SDK1: variants seen among roughly 807,000 people sequenced by gnomAD.
SDK1 encodes protein sidekick-1.
In SDK1, 157 loss-of-function variants were observed where a neutral mutation model predicts 245.5. The observed-to-expected ratio is 0.64, with a 90% CI of 0.56 to 0.73. The LOEUF (loss-of-function observed/expected upper bound fraction) is 0.73. Ranked by LOEUF, SDK1 falls within the 30% of genes least tolerant of loss-of-function variation. SDK1 has a pLI of 0.00. For missense variants in SDK1, 3,583 were observed against 3,002.3 expected (o/e 1.19, Z -4.52); for synonymous variants, 1,647 against 1,278.5 (o/e 1.29, Z -6.15).
At chr7:3,800,297 G>A (rs1472925172) in intron 4 of SDK1, among the ~76,000 whole-genome samples, 2 of 152,040 alleles carry the variant, frequency 1.3e-5, no homozygotes, top group Non-Finnish European at 2.9e-5. Context: ...ATTATTCATT[G>A]GTGAGCATTT....
At chr7:4,174,634 A>G (rs1225160458) in intron 33 of SDK1, among the ~76,000 whole-genome samples, 4 of 152,082 alleles carry the variant, frequency 2.6e-5, no homozygotes, top group East Asian at 3.9e-4. Flanking sequence ...ACTGCACTCT[A>G]CCGGCGTCAG....
chr7:3,392,054 C>A (rs932026592), intron 1 of SDK1, among the ~76,000 whole-genome samples: 3 of 151,494 alleles, frequency 2.0e-5, no homozygotes, highest in African/African-American at 7.3e-5. Context: ...AATAAATGCA[C>A]CTGTGTACCA....
chr7:4,068,714 T>TTTTATTTATTTA (rs3066355), intron 20 of SDK1, among the ~76,000 whole-genome samples: 5,885 of 149,494 alleles, frequency 0.039, 387 homozygotes, highest in African/African-American at 0.14. Flanking sequence ...TTTTTAATGA[T>TTTTATTTATTTA]TTTATTTATT....
intron 5 of SDK1, among the ~76,000 whole-genome samples, chr7:3,906,382 A>ATG (rs567304323): frequency 0.016 from 2,364 of 150,234 alleles, 35 homozygotes; most frequent in African/African-American, 0.034. Flanking sequence ...CTGTATGCGT[A>ATG]TGTGTGTGTG....
At position 4,161,817 on chromosome 7, in the gene SDK1, G is replaced by A. The variant is rs143212342; in HGVS notation, c.4761G>A (p.Ala1587=). The A allele has an allele frequency of 5.4e-4, 878 of 1,614,036 alleles. 1 individual carries two copies. Among genetic ancestry groups the A allele is most frequent in the Non-Finnish European group, 6.8e-4 (800 of 1,180,008 alleles). ...VPGEPPGSVS[A]TPHTTSSVLI... ...GAGAGCCCCCGGGATCTGTCTCAGC[G>A]ACGCCACACACCACGTCCTCTGTCC... Residue 1587 remains alanine (A), a synonymous_variant, in exon 32 of 45, where the codon GCG becomes GCA. Coordinates refer to ENST00000404826, the MANE Select transcript of SDK1 (RefSeq NM_152744.4).
intron 4 of SDK1, among the ~76,000 whole-genome samples, chr7:3,703,517 G>A (rs1402630947): frequency 1.3e-5 from 2 of 152,200 alleles, no homozygotes; most frequent in Non-Finnish European, 2.9e-5. Context: ...GGTGATGGCA[G>A]TTTTGTGGCT....
At chr7:3,363,961 T>G (rs1781020536) in intron 1 of SDK1, among the ~76,000 whole-genome samples, 1 of 152,230 alleles carries the variant, frequency 6.6e-6, no homozygotes, top group Non-Finnish European at 1.5e-5. Context: ...TCATCATTAT[T>G]TGGTGTTACC....
intron 36 of SDK1, among the ~76,000 whole-genome samples, chr7:4,206,728 G>C (rs539334229): frequency 1.3e-5 from 2 of 152,254 alleles, no homozygotes; most frequent in East Asian, 3.9e-4. Flanking sequence ...AGCATCCGGG[G>C]TCTTTGCCAT....
intron 12 of SDK1, among the ~76,000 whole-genome samples, chr7:3,971,862 T>C (rs1181136642): frequency 6.6e-6 from 1 of 152,154 alleles, no homozygotes; most frequent in African/African-American, 2.4e-5. Flanking sequence ...TGTCAGAGGC[T>C]GATACTCAAT....
chr7:4,216,049 T>C (rs78841259), intron 38 of SDK1, among the ~76,000 whole-genome samples: 1,912 of 152,270 alleles, frequency 0.013, 37 homozygotes, highest in African/African-American at 0.043. Context: ...CAACCGGCCT[T>C]GGCAGGAACG....
At chr7:3,694,831 T>C (rs982229178) in intron 4 of SDK1, among the ~76,000 whole-genome samples, 1 of 152,140 alleles carries the variant, frequency 6.6e-6, no homozygotes, top group Non-Finnish European at 1.5e-5. Flanking sequence ...TTCTTAATAG[T>C]GACATGCAGG....
chr7:4,108,465 G>A (rs1783099926), intron 22 of SDK1, among the ~76,000 whole-genome samples: 1 of 151,594 alleles, frequency 6.6e-6, no homozygotes, highest in African/African-American at 2.4e-5. Flanking sequence ...GTCTACCCCA[G>A]TGCTGAGAAC....
intron 14 of SDK1, among the ~76,000 whole-genome samples, chr7:3,998,944 A>T (rs949240376): frequency 6.6e-6 from 1 of 152,188 alleles, no homozygotes. Context: ...CTGAGTGTCT[A>T]ACTGAAGTAC....
chr7:4,175,115 G>A (rs555885919), intron 33 of SDK1, among the ~76,000 whole-genome samples: 5 of 152,314 alleles, frequency 3.3e-5, no homozygotes, highest in African/African-American at 1.2e-4. Flanking sequence ...GGCCTTCCAC[G>A]CACCCAGTGC....
chr7:4,107,642 C>G (rs567037134), intron 22 of SDK1, among the ~76,000 whole-genome samples: 226 of 152,282 alleles, frequency 1.5e-3, no homozygotes, highest in Non-Finnish European at 2.6e-3. Context: ...GCATTCAACA[C>G]GGAGGCACTT....
chr7:4,003,939 G>A (rs765307363), intron 14 of SDK1, among the ~76,000 whole-genome samples: 2 of 152,240 alleles, frequency 1.3e-5, no homozygotes, highest in Non-Finnish European at 2.9e-5. Flanking sequence ...CTGTGACCAA[G>A]CCCTTAACTT....
At chr7:3,530,005 A>G (rs1005671315) in intron 1 of SDK1, among the ~76,000 whole-genome samples, 4 of 152,194 alleles carry the variant, frequency 2.6e-5, no homozygotes, top group Admixed American at 2.0e-4. Context: ...ACAAGTCTGT[A>G]TTTAAGAGTA....
At chr7:3,951,522 T>G (rs565821413) in intron 6 of SDK1, among the ~76,000 whole-genome samples, 2 of 152,346 alleles carry the variant, frequency 1.3e-5, no homozygotes, top group East Asian at 3.9e-4. Flanking sequence ...ATATCCTTGC[T>G]TAATAGCCCT....
chr7:4,239,393 A>G (rs544967788), intron 42 of SDK1, among the ~76,000 whole-genome samples: 7 of 152,338 alleles, frequency 4.6e-5, no homozygotes, highest in South Asian at 4.1e-4. Context: ...TACATTCACA[A>G]TCATAAAGCA....
Sources: gnomAD v4.1 joint callset for allele counts (sites outside exome capture counted in the v4.1 genomes callset) on GRCh38, gnomAD v4.1.1 for gene constraint, MANE v1.5 for transcripts, NCBI Gene and HGNC (gene_info 2026-07-23, HGNC 2026-07-21) for gene names.